The following LAMA1 variants were observed in gnomAD, a reference collection of about 807,000 sequenced individuals.
The protein encoded by LAMA1 is laminin subunit alpha-1.
Under a neutral mutation model 348.7 loss-of-function variants are expected in LAMA1, and 219 were observed. That is an observed-to-expected ratio of 0.63 (90% CI 0.56 to 0.70). LAMA1 has a LOEUF of 0.70. Among genes scored for constraint, LAMA1 ranks in the 30% least tolerant of loss-of-function variants. The probability of loss-of-function intolerance (pLI) is 0.00; values close to 1 mark genes in which losing one functional copy is unlikely to be tolerated. For synonymous variants in LAMA1, 1,487 were observed against 1,491.0 expected, an observed-to-expected ratio of 1.00 and a Z score of 0.06; for missense variants, 3,744 against 3,888.0, an observed-to-expected ratio of 0.96 and a Z score of 0.99.
chr18:6,946,391 G>GTAT (rs892278483), intron 61 of LAMA1, among the ~76,000 whole-genome samples: 2 of 152,160 alleles, frequency 1.3e-5, no homozygotes, highest in African/African-American at 4.8e-5. Flanking sequence ...CCATGATGGG[G>GTAT]TATTAAGGGG....
intron 58 of LAMA1, 80 bp from the exon 59 acceptor site, chr18:6,949,339 A>G (rs1212029444): frequency 1.1e-5 from 14 of 1,319,936 alleles, no homozygotes; most frequent in Non-Finnish European, 1.5e-5. Context: ...TAACAGATGC[A>G]ACATCTGTTT....
Position 6,999,630 on chromosome 18 carries a change from G to T in LAMA1, c.4478C>A (p.Ser1493Ter). The T allele has an allele frequency of 6.2e-7, 1 of 1,610,300 alleles. No homozygotes were observed. Residue 1493 changes from serine (S) to a stop codon, truncating the protein, a stop_gained, in exon 32 of 63, where the codon TCA becomes TAA. Transcript: ENST00000389658. LOFTEE classifies it high-confidence loss of function. ...YEGKHCERCSSSYYGNPQTPG... is the reference protein window; with the variant it reads ...YEGKHCERCS ...TGTTTGAGGGTTCCCATAATAGCTT[G>T]AGGAGCACCTACAGAAAGGAAGGGA...
intron 3 of LAMA1, among the ~76,000 whole-genome samples, chr18:7,068,755 A>C (rs1168293218): frequency 3.3e-5 from 5 of 151,968 alleles, no homozygotes; most frequent in Non-Finnish European, 7.4e-5. Flanking sequence ...TAAAGATGGA[A>C]ATACTACAAT....
chr18:7,015,031 G>C (rs2057880410), intron 22 of LAMA1, among the ~76,000 whole-genome samples: 1 of 151,958 alleles, frequency 6.6e-6, no homozygotes, highest in African/African-American at 2.4e-5. Flanking sequence ...TGTATTTTTA[G>C]TAGAGACGGG....
intron 52 of LAMA1, 88 bp downstream of exon 52, chr18:6,961,857 A>G (rs1164203285): frequency 1.3e-6 from 2 of 1,567,438 alleles, no homozygotes; most frequent in Non-Finnish European, 1.8e-6. Flanking sequence ...TCTCTTTTCT[A>G]TCCCCACTGG....
chr18:7,115,677 A>G (rs1163569878), intron 1 of LAMA1, among the ~76,000 whole-genome samples: 1 of 151,844 alleles, frequency 6.6e-6, no homozygotes, highest in Non-Finnish European at 1.5e-5. Context: ...CTTAAAAAAA[A>G]AAAAAAAATC....
chr18:6,993,416 A>T (rs1271534844), intron 35 of LAMA1, among the ~76,000 whole-genome samples: 2 of 152,198 alleles, frequency 1.3e-5, no homozygotes, highest in Non-Finnish European at 2.9e-5. Context: ...TCTAAGTTTT[A>T]GGCATAATGC....
At chr18:7,010,419 A>T (rs2057854545) in intron 25 of LAMA1, 34 bp from the exon 26 acceptor site, 1 of 1,598,670 alleles carries the variant, frequency 6.3e-7, no homozygotes, top group Admixed American at 1.7e-5. Context: ...TACTTCTCTG[A>T]CAAAGCTTTC....
At chr18:7,023,432 C>T in intron 18 of LAMA1, 57 bp from the exon 19 acceptor site, 2 of 1,421,616 alleles carry the variant, frequency 1.4e-6, no homozygotes, top group Non-Finnish European at 2.0e-6. Flanking sequence ...GGCCTTACCG[C>T]ACTATCCAGG....
At chr18:7,010,843 C>T (rs1296050099) in intron 25 of LAMA1, among the ~76,000 whole-genome samples, 2 of 152,246 alleles carry the variant, frequency 1.3e-5, no homozygotes, top group East Asian at 3.9e-4. Context: ...AAAAGGGACT[C>T]CCAGGCCATA....
intron 1 of LAMA1, among the ~76,000 whole-genome samples, chr18:7,098,321 T>C (rs1038815741): frequency 6.6e-6 from 1 of 150,918 alleles, no homozygotes; most frequent in Non-Finnish European, 1.5e-5. Flanking sequence ...TCGTCTGGGA[T>C]GTGAGGAGCC....
Position 7,028,795 on chromosome 18 carries a change from G to A in LAMA1, c.2275-2689C>T, listed in dbSNP as rs1032251580. ...CAGGAGCAAAGGGGAGGGGTGCGGA[G>A]GTCGGCACTGGGGCCAGGACCAGGC... On this transcript the variant is annotated intron_variant, in intron 16 of 62. Coordinates refer to ENST00000389658, the MANE Select transcript of LAMA1 (RefSeq NM_005559.4). Among the ~76,000 whole-genome samples, 5 of 152,228 alleles carry A rather than the reference G, an allele frequency of 3.3e-5. No homozygotes were observed. The East Asian group carries it at 9.7e-4, about 29-fold the overall frequency.
Position 7,050,679 on chromosome 18 carries a change from G to C in LAMA1, c.588+15C>G, listed in dbSNP as rs371398159. 1.9e-6 allele frequency: 3 copies of C among 1,613,142 alleles called. No individual in the cohort carries two copies. The highest frequency in any genetic ancestry group is 2.5e-6 in the Non-Finnish European group (3 of 1,180,002). ...ATGAGGAAACAGATCTTGCTGCAGC[G>C]GGCACCATACCTACCTCTCCATGCT... On this transcript the variant is annotated intron_variant, in intron 4 of 62. Coordinates refer to ENST00000389658, the MANE Select transcript of LAMA1 (RefSeq NM_005559.4).
rs774403056 is a variant in LAMA1 at position 6,978,296 on chromosome 18, C to T, written c.6090G>A (p.Ala2030=). The T allele has an allele frequency of 1.6e-5, 26 of 1,614,096 alleles. No individual in the cohort carries two copies. The highest frequency in any genetic ancestry group is 2.7e-5 in the African/African-American group (2 of 74,922). ...TGTTCAGCAGCTCCTGGCTCAGCCC[C>T]GCCACGTCCCTCAGCGTGCTCACCG... ...QSAVSTLRDV[A]GLSQELLNTS... Residue 2030 remains alanine (A), a synonymous_variant, in exon 43 of 63, where the codon GCG becomes GCA. Coordinates refer to ENST00000389658, the MANE Select transcript of LAMA1 (RefSeq NM_005559.4).
intron 56 of LAMA1, chr18:6,955,979 C>T (rs984777066): frequency 2.6e-5 from 8 of 310,992 alleles, no homozygotes; most frequent in Admixed American, 2.2e-4. Context: ...CTGAACCCCA[C>T]GCAACCATCT....
chr18:7,002,706 A>G (rs1453963947), intron 29 of LAMA1, among the ~76,000 whole-genome samples: 3 of 152,160 alleles, frequency 2.0e-5, no homozygotes, highest in Non-Finnish European at 2.9e-5. Flanking sequence ...TAGTGCCCCA[A>G]AAAACAATTT....
chr18:6,948,093 C>T (rs1054181385), intron 60 of LAMA1, among the ~76,000 whole-genome samples: 2 of 152,178 alleles, frequency 1.3e-5, no homozygotes, highest in African/African-American at 4.8e-5. Flanking sequence ...ATTCAAAGCC[C>T]TTTCTTAACT....
chr18:6,985,283 C>G lies in LAMA1; in HGVS notation c.5614G>C (p.Glu1872Gln). 6.2e-7 allele frequency: 1 copy of G among 1,614,196 alleles called. No homozygotes were observed. The highest frequency in any genetic ancestry group is 2.2e-5 in the East Asian group (1 of 44,866). ...CTCTGGAACTCAGCGGCATGGTCCT[C>G]AGCTCTGTAGACCAGGTCGACTGCG... ...RNAVDLVYRA[E>Q]DHAAEFQRLA... Residue 1872 changes from glutamate (E) to glutamine (Q), a missense_variant, in exon 39 of 63, where the codon GAG becomes CAG. Physicochemically the swap from Glu to Gln is conservative, Grantham distance 29. This residue lies in a region of LAMA1 where 1,983 missense variants were observed against 1,934.3 expected (regional missense o/e 1.03). Transcript: ENST00000389658.
At chr18:6,953,440 T>C (rs896707743) in intron 57 of LAMA1, among the ~76,000 whole-genome samples, 2 of 152,242 alleles carry the variant, frequency 1.3e-5, no homozygotes, top group African/African-American at 4.8e-5. Context: ...AACTTTATCA[T>C]AGATATGCAT....
Sources: allele counts gnomAD v4.1 joint callset (sites outside exome capture counted in the v4.1 genomes callset), GRCh38; gene constraint gnomAD v4.1.1; regional missense constraint gnomAD v4.1.1; transcripts MANE v1.5; gene names NCBI Gene and HGNC (gene_info 2026-07-23, HGNC 2026-07-21).